The following HCRTR1 variants were observed in gnomAD, a reference collection of about 807,000 sequenced individuals.
The protein encoded by HCRTR1 is hypocretin receptor 1, also known as orexin/Hypocretin receptor type 1.
In HCRTR1, 28 loss-of-function variants were observed where a neutral mutation model predicts 40.6. That is an observed-to-expected ratio of 0.69 (90% confidence interval 0.51 to 0.95). The LOEUF (loss-of-function observed/expected upper bound fraction) is 0.95. Ranked by LOEUF, HCRTR1 falls within the 40% of genes least tolerant of loss-of-function variation. The pLI is 0.00. For missense variants in HCRTR1, 482 were observed against 564.7 expected (o/e 0.85, Z 1.48); for synonymous variants, 209 against 230.0 (o/e 0.91, Z 0.83).
rs1173820965 is a variant in HCRTR1, at chr1:31,627,112, CTCTG to C, written c.*137_*140del. On this transcript the variant is annotated 3_prime_UTR_variant, in exon 9 of 9. Coordinates refer to ENST00000403528, the MANE Select transcript of HCRTR1 (RefSeq NM_001525.3). ...TGTGTGACTCTGGATAAGTCACTTC[CTCTG>C]TCTGAGCTTGTGTCCCCTAAGCAGG... 9 of 1,442,026 alleles carry C rather than the reference CTCTG, an allele frequency of 6.2e-6. No individual in the cohort carries two copies. In the African/African-American group the frequency reaches 9.9e-5, roughly 16 times the overall value. The allele number at this position is 1,442,026 out of a possible 1,614,324, so 89.3% of individuals were successfully genotyped here.
chr1:31,619,821 C>T, intron 4 of HCRTR1, 111 bp downstream of exon 4: 1 of 965,270 alleles, frequency 1.0e-6, no homozygotes, highest in Non-Finnish European at 1.5e-6. Flanking sequence ...AGGTCAGTGG[C>T]TCATGACCCC....
chr1:31,623,198 G>A (rs578181373), intron 6 of HCRTR1, among the ~76,000 whole-genome samples: 28 of 150,800 alleles, frequency 1.9e-4, no homozygotes, highest in South Asian at 6.3e-4. Context: ...GTGTGGTGGC[G>A]CACACCTGTA....
chr1:31,630,577 G>A, downstream of HCRTR1: 2 of 1,583,058 alleles, frequency 1.3e-6, no homozygotes, highest in South Asian at 2.2e-5. Flanking sequence ...GCCAGGAAAG[G>A]TCCCTGGTGC....
Position 31,627,011 on chromosome 1 carries a change from G to A in HCRTR1, c.*31G>A. 2 of 1,591,428 alleles carry A rather than the reference G, an allele frequency of 1.3e-6. No individual in the cohort carries two copies. Among genetic ancestry groups the A allele is most frequent in the Non-Finnish European group, 1.7e-6 (2 of 1,170,782 alleles). On this transcript the variant is annotated 3_prime_UTR_variant, in exon 9 of 9. Transcript: ENST00000403528. ...GGCTGCCCTGGAGGCTCCGGCTCGG[G>A]GGATCTGCCCCTACCCCTCATGGAA...
chr1:31,623,428 C>A, intron 6 of HCRTR1, 95 bp from the exon 7 acceptor site: 2 of 1,017,792 alleles, frequency 2.0e-6, no homozygotes, highest in East Asian at 2.6e-5. Flanking sequence ...CATCTCCACC[C>A]TGCCCGGGGT....
downstream of HCRTR1, chr1:31,627,684 G>A (rs940699884): frequency 1.1e-5 from 3 of 275,996 alleles, no homozygotes; most frequent in African/African-American, 4.4e-5. Context: ...TGGGGAAGCT[G>A]GGGGGAGGGA....
chr1:31,619,404 C>A lies in HCRTR1; in HGVS notation c.199+13C>A. On this transcript the variant is annotated intron_variant, in intron 3 of 8. Coordinates refer to ENST00000403528, the MANE Select transcript of HCRTR1 (RefSeq NM_001525.3). ...GGCAACACGCTGGGTAGGTCCAGGG[C>A]TTGCCCGGCAGTGCTGCCGGCTTTC... The A allele has an allele frequency of 6.2e-7, 1 of 1,613,876 alleles. No homozygotes were observed. Among genetic ancestry groups the A allele is most frequent in the Non-Finnish European group, 8.5e-7 (1 of 1,179,882 alleles).
intron 7 of HCRTR1, among the ~76,000 whole-genome samples, chr1:31,624,448 C>CAAAAA (rs11438872): frequency 9.0e-5 from 10 of 111,038 alleles, no homozygotes; most frequent in Middle Eastern, 4.7e-3. Flanking sequence ...ACAGCTGTCT[C>CAAAAA]AAAAAAAAAA....
At chr1:31,624,157 A>C (rs1639922992) in intron 7 of HCRTR1, among the ~76,000 whole-genome samples, 1 of 152,106 alleles carries the variant, frequency 6.6e-6, no homozygotes, top group Non-Finnish European at 1.5e-5. Flanking sequence ...TTTAGATACA[A>C]TGGTTTAAAA....
At chr1:31,630,403 A>G, downstream of HCRTR1, 1 of 587,274 alleles carries the variant, frequency 1.7e-6, no homozygotes, top group East Asian at 2.9e-5. Context: ...CTCCTCCATC[A>G]GGCCCCTATC....
At position 31,627,256 on chromosome 1, in the gene HCRTR1, A is replaced by G; in HGVS notation, c.*276A>G. ...TCATTTGGCCATACCCCACAGTATA[A>G]TCTGTCCCCATCCTCCTTCCAGAGC... On this transcript the variant is annotated 3_prime_UTR_variant, in exon 9 of 9. Coordinates refer to ENST00000403528, the MANE Select transcript of HCRTR1 (RefSeq NM_001525.3). 6.9e-7 allele frequency: 1 copy of G among 1,441,470 alleles called. No homozygotes were observed. Among genetic ancestry groups the G allele is most frequent in the Non-Finnish European group, 9.2e-7 (1 of 1,086,524 alleles). 89.3% of individuals were successfully genotyped at this position (1,441,470 alleles called of 1,614,324 possible).
At chr1:31,621,701 T>C in intron 6 of HCRTR1, 109 bp downstream of exon 6, 3 of 794,612 alleles carry the variant, frequency 3.8e-6, no homozygotes, top group Non-Finnish European at 6.3e-6. Context: ...ACATGCCATC[T>C]TGGCTGCAAC....
At chr1:31,622,723 C>G (rs1434862216) in intron 6 of HCRTR1, among the ~76,000 whole-genome samples, 1 of 152,180 alleles carries the variant, frequency 6.6e-6, no homozygotes, top group Non-Finnish European at 1.5e-5. Flanking sequence ...GAGGCTTCTC[C>G]AGGAGCCCAG....
chr1:31,626,852 G>A lies in HCRTR1; in HGVS notation c.1150G>A (p.Gly384Ser), dbSNP rs199920679. The A allele has an allele frequency of 8.2e-5, 132 of 1,613,914 alleles. 1 individual carries two copies. The highest frequency in any genetic ancestry group is 1.9e-4 in the South Asian group (17 of 91,086). ...SCCLPGLGPC[G>S]SLKAPSPRSS... ...CTGCCTGCCTGGCCTGGGTCCCTGC[G>A]GCTCTCTGAAGGCCCCTAGTCCCCG... Residue 384 changes from glycine (G) to serine (S), a missense_variant, in exon 9 of 9, where the codon GGC becomes AGC. Transcript: ENST00000403528. The surrounding 1 kb of genome is among the most constrained non-coding windows in gnomAD (Gnocchi z 4.6).
chr1:31,624,448 C>CAAAAAAAAAAA (rs11438872), intron 7 of HCRTR1, among the ~76,000 whole-genome samples: 20 of 111,020 alleles, frequency 1.8e-4, no homozygotes, highest in African/African-American at 4.0e-4. Context: ...ACAGCTGTCT[C>CAAAAAAAAAAA]AAAAAAAAAA....
chr1:31,629,011 C>A (rs1406210472), downstream of HCRTR1, among the ~76,000 whole-genome samples: 2 of 152,166 alleles, frequency 1.3e-5, 1 homozygote, highest in Non-Finnish European at 2.9e-5. Flanking sequence ...GATGTTTCTG[C>A]CAGTCATGGA....
chr1:31,634,046 G>A (rs1027681956), downstream of HCRTR1, among the ~76,000 whole-genome samples: 1 of 152,032 alleles, frequency 6.6e-6, no homozygotes, highest in African/African-American at 2.4e-5. Context: ...GGCCACAATC[G>A]GGGTCCCTTC....
rs1362907119 is a variant in HCRTR1 at position 31,626,410 on chromosome 1, C to T, written c.1088-380C>T. ...CCAAATGCAAAAGGGCTGCTGCTGCCGTCATTTTCATCATCAAAGGGCAGA... is the reference window on the plus strand; with the variant it reads ...CCAAATGCAAAAGGGCTGCTGCTGCTGTCATTTTCATCATCAAAGGGCAGA... On this transcript the variant is annotated intron_variant, in intron 8 of 8. Coordinates refer to ENST00000403528, the MANE Select transcript of HCRTR1 (RefSeq NM_001525.3). The surrounding 1 kb of genome is among the most constrained non-coding windows in gnomAD (Gnocchi z 4.6). Among the ~76,000 whole-genome samples, 2 of 152,182 alleles carry T rather than the reference C, an allele frequency of 1.3e-5. No individual in the cohort carries two copies. Among genetic ancestry groups the T allele is most frequent in the African/African-American group, 2.4e-5 (1 of 41,444 alleles).
downstream of HCRTR1, among the ~76,000 whole-genome samples, chr1:31,629,212 G>C (rs1028570685): frequency 6.6e-5 from 10 of 152,170 alleles, no homozygotes; most frequent in African/African-American, 2.2e-4. Flanking sequence ...GGCTAAGCCC[G>C]ACACACTGCT....
Sources: allele counts gnomAD v4.1 joint callset (sites outside exome capture counted in the v4.1 genomes callset), GRCh38; gene constraint gnomAD v4.1.1; non-coding constraint Gnocchi (gnomAD v3.1); transcripts MANE v1.5; gene names NCBI Gene and HGNC (gene_info 2026-07-23, HGNC 2026-07-21).